The following TRAM2 variants were observed in gnomAD, a reference collection of about 807,000 sequenced individuals.
The protein encoded by TRAM2 is translocation associated membrane protein 2.
TRAM2 carries 12 observed loss-of-function variants against 51.0 expected under a neutral mutation model. That is an observed-to-expected ratio of 0.24 (90% CI 0.15 to 0.38). The LOEUF (loss-of-function observed/expected upper bound fraction) is 0.38. Among genes scored for constraint, TRAM2 ranks in the 10% least tolerant of loss-of-function variants. The pLI is 1.00. For missense variants in TRAM2, 361 were observed against 462.0 expected (o/e 0.78, Z 2.00); for synonymous variants, 175 against 179.4 (o/e 0.98, Z 0.20).
At position 52,507,737 on chromosome 6, in the gene TRAM2, C is replaced by T. The variant is rs1389591068; in HGVS notation, c.556-114G>A. On this transcript the variant is annotated intron_variant, in intron 6 of 10. Transcript: ENST00000182527. ...GCCAGGCTCCTCTGGGCTGCTTTAACACACAGTCCCATGTCCCACGAGTCC... is the reference window on the plus strand; with the variant it reads ...GCCAGGCTCCTCTGGGCTGCTTTAATACACAGTCCCATGTCCCACGAGTCC... The T allele has an allele frequency of 4.3e-6, 4 of 932,306 alleles. No individual in the cohort carries two copies. The South Asian group carries it at 6.1e-5, about 14-fold the overall frequency. 57.8% of individuals were successfully genotyped at this position (932,306 alleles called of 1,614,324 possible). A position where few individuals can be genotyped will look rare whatever the true frequency, so the allele number is the denominator to read the frequency against.
intron 1 of TRAM2, among the ~76,000 whole-genome samples, chr6:52,562,711 C>A (rs765908522): frequency 3.7e-4 from 57 of 152,184 alleles, no homozygotes; most frequent in Admixed American, 6.5e-4. Context: ...CCTCCCTTAG[C>A]CCCCCACCCC....
intron 2 of TRAM2, among the ~76,000 whole-genome samples, chr6:52,521,686 G>C (rs1352900851): frequency 6.6e-6 from 1 of 151,106 alleles, no homozygotes; most frequent in Non-Finnish European, 1.5e-5. Flanking sequence ...GACAGAGCGA[G>C]AGACTCCATC....
intron 1 of TRAM2, among the ~76,000 whole-genome samples, chr6:52,561,768 C>T (rs1043979484): frequency 6.6e-6 from 1 of 152,114 alleles, no homozygotes; most frequent in Non-Finnish European, 1.5e-5. Context: ...GGATTACAGG[C>T]GTGTGCCACC....
intron 1 of TRAM2, among the ~76,000 whole-genome samples, chr6:52,564,247 C>G (rs1045947899): frequency 1.3e-5 from 2 of 152,164 alleles, no homozygotes; most frequent in Non-Finnish European, 2.9e-5. Context: ...ATGCCCAGCC[C>G]TACTGCCAGT....
intron 1 of TRAM2, among the ~76,000 whole-genome samples, chr6:52,537,969 G>T (rs972754781): frequency 6.6e-6 from 1 of 152,112 alleles, no homozygotes; most frequent in Admixed American, 6.5e-5. Context: ...ATCCAGCTCT[G>T]CCACAGAGCC....
intron 4 of TRAM2, among the ~76,000 whole-genome samples, chr6:52,513,310 A>C (rs1198658444): frequency 1.3e-5 from 2 of 152,314 alleles, no homozygotes; most frequent in East Asian, 3.9e-4. Context: ...TTACTTTAAA[A>C]ATGTTGAAGG....
chr6:52,515,756 T>A, intron 4 of TRAM2: 1 of 460,198 alleles, frequency 2.2e-6, no homozygotes, highest in Non-Finnish European at 4.0e-6. Flanking sequence ...GCATAATGAT[T>A]ATAACAAGTG....
intron 1 of TRAM2, among the ~76,000 whole-genome samples, chr6:52,547,799 G>A (rs1562485631): frequency 6.6e-6 from 1 of 152,342 alleles, no homozygotes; most frequent in Admixed American, 6.5e-5. Flanking sequence ...CCTTTATTGC[G>A]TCGGCTGGAC....
intron 2 of TRAM2, chr6:52,529,797 GCCCAT>G (rs1205918983): frequency 1.3e-5 from 2 of 152,216 alleles, no homozygotes; most frequent in Admixed American, 1.3e-4. Context: ...TAAATGCTTA[GCCCAT>G]TTGGGCTCAC....
chr6:52,502,410 T>TGCTCTC lies in TRAM2; in HGVS notation c.*781_*786dup. 1 of 149,848 alleles carries TGCTCTC rather than the reference T, an allele frequency of 6.7e-6. No homozygotes were observed. The highest frequency in any genetic ancestry group is 6.7e-5 in the Admixed American group (1 of 14,964). 9.3% of individuals were successfully genotyped at this position (149,848 alleles called of 1,614,324 possible). A position where few individuals can be genotyped will look rare whatever the true frequency, so the allele number is the denominator to read the frequency against. ...GAGGTGCCTGCTGCGCAGTTTGCTC[T>TGCTCTC]GCTCTCGCTCTAAGCAGTGGGAAGA... On this transcript the variant is annotated 3_prime_UTR_variant, in exon 11 of 11. Coordinates refer to ENST00000182527, the MANE Select transcript of TRAM2 (RefSeq NM_012288.4).
intron 1 of TRAM2, among the ~76,000 whole-genome samples, chr6:52,559,395 T>C (rs1439326737): frequency 6.6e-6 from 1 of 152,172 alleles, no homozygotes; most frequent in East Asian, 1.9e-4. Context: ...AGTAAAGGAC[T>C]CAGGCTGTGA....
intron 1 of TRAM2, among the ~76,000 whole-genome samples, chr6:52,545,435 A>C (rs143280188): frequency 6.6e-6 from 1 of 152,376 alleles, no homozygotes; most frequent in East Asian, 1.9e-4. Flanking sequence ...GCCAAGAAGC[A>C]CAGATAATCT....
At chr6:52,546,918 C>T (rs149699059) in intron 1 of TRAM2, among the ~76,000 whole-genome samples, 16 of 152,152 alleles carry the variant, frequency 1.1e-4, no homozygotes, top group Admixed American at 2.6e-4. Context: ...CCTACAACAG[C>T]GCTTGGCACA....
At chr6:52,574,024 A>G (rs779155043) in intron 1 of TRAM2, among the ~76,000 whole-genome samples, 51 of 152,110 alleles carry the variant, frequency 3.4e-4, no homozygotes, top group Non-Finnish European at 5.1e-4. Context: ...CCAAAAGCCT[A>G]TGTCCTCTCA....
intron 1 of TRAM2, among the ~76,000 whole-genome samples, chr6:52,563,169 A>T (rs1468659551): frequency 2.0e-5 from 3 of 152,234 alleles, no homozygotes; most frequent in Admixed American, 2.0e-4. Flanking sequence ...AAATGAATTA[A>T]GGTGACCCTG....
rs1191809690 is a variant in TRAM2, at chr6:52,500,956, TTC to T, written c.*2239_*2240del. The T allele has an allele frequency of 6.6e-6, 1 of 152,178 alleles. No homozygotes were observed. The highest frequency in any genetic ancestry group is 2.4e-5 in the African/African-American group (1 of 41,402). The allele number at this position is 152,178 out of a possible 1,614,324, so 9.4% of individuals were successfully genotyped here. A position where few individuals can be genotyped will look rare whatever the true frequency, so the allele number is the denominator to read the frequency against. ...GCCTGGAGAGCACCTAGGATGGGTG[TTC>T]TCTAATGGGGGAGGAAGGTGGGCTT... On this transcript the variant is annotated 3_prime_UTR_variant, in exon 11 of 11. Coordinates refer to ENST00000182527, the MANE Select transcript of TRAM2 (RefSeq NM_012288.4).
intron 2 of TRAM2, among the ~76,000 whole-genome samples, chr6:52,525,729 A>G (rs1361570528): frequency 1.3e-5 from 2 of 152,116 alleles, no homozygotes; most frequent in Non-Finnish European, 2.9e-5. Context: ...AATAACTTGA[A>G]CCCAGGAGGT....
rs61145064 is a variant in TRAM2 at position 52,513,050 on chromosome 6, T to C, written c.411+2956A>G. 3.8e-3 allele frequency among the ~76,000 whole-genome samples: 581 copies of C among 152,242 alleles called. 5 individuals carry two copies. The highest frequency in any genetic ancestry group is 0.013 in the African/African-American group (533 of 41,530). ...TTCTCCAGTGGAGTGTTTTTTTTCT[T>C]TTTCCCTCAACAATGAGTAGTCGAT... is the stretch of plus-strand genomic sequence containing the variant. On this transcript the variant is annotated intron_variant, in intron 4 of 10. Transcript: ENST00000182527.
chr6:52,536,055 C>T (rs573470202), intron 1 of TRAM2, among the ~76,000 whole-genome samples: 32 of 152,306 alleles, frequency 2.1e-4, no homozygotes, highest in Admixed American at 3.9e-4. Context: ...CAGATGGTAT[C>T]TAGACTGGTA....
Sources: allele counts gnomAD v4.1 joint callset (sites outside exome capture counted in the v4.1 genomes callset), GRCh38; gene constraint gnomAD v4.1.1; transcripts MANE v1.5; gene names NCBI Gene and HGNC (gene_info 2026-07-23, HGNC 2026-07-21).